Variants in REV1 observed in about 807,000 individuals in gnomAD.
The protein encoded by REV1 is translesion synthesis protein REV1.
Under a neutral mutation model 137.4 loss-of-function variants are expected in REV1, and 42 were observed. The ratio of observed to expected loss-of-function variants is 0.31; its 90% confidence interval spans 0.24 to 0.40. The LOEUF is 0.40. Among genes scored for constraint, REV1 ranks in the 10% least tolerant of loss-of-function variants. The probability of loss-of-function intolerance (pLI) is 1.00; values close to 1 mark genes in which losing one functional copy is unlikely to be tolerated. For missense variants in REV1, 1,282 were observed against 1,490.1 expected, an observed-to-expected ratio of 0.86 and a Z score of 2.30; for synonymous variants, 524 against 519.2, an observed-to-expected ratio of 1.01 and a Z score of -0.12.
intron 11 of REV1, among the ~76,000 whole-genome samples, chr2:99,421,147 A>G (rs1165765049): frequency 6.6e-6 from 1 of 152,172 alleles, no homozygotes; most frequent in Admixed American, 6.5e-5. Flanking sequence ...TGAAGTGCAG[A>G]GAGTAACAAG....
At chr2:99,468,635 AAC>A (rs1293298565) in intron 1 of REV1, among the ~76,000 whole-genome samples, 2 of 152,236 alleles carry the variant, frequency 1.3e-5, no homozygotes, top group Non-Finnish European at 2.9e-5. Flanking sequence ...GGAATGTGAT[AAC>A]AGTTTCTGAA....
chr2:99,411,408 TTCC>T (rs1176101706), intron 13 of REV1, among the ~76,000 whole-genome samples: 3 of 144,288 alleles, frequency 2.1e-5, no homozygotes, highest in African/African-American at 8.2e-5. Context: ...TTTCCTTTCT[TTCC>T]TTTTTTTTTT....
At chr2:99,468,419 CCT>C (rs1018665576) in intron 1 of REV1, among the ~76,000 whole-genome samples, 4 of 152,104 alleles carry the variant, frequency 2.6e-5, no homozygotes, top group African/African-American at 9.7e-5. Flanking sequence ...TAACACACTC[CCT>C]CTGTTTTTAT....
intron 1 of REV1, among the ~76,000 whole-genome samples, chr2:99,481,660 T>G (rs1686623263): frequency 6.6e-6 from 1 of 151,452 alleles, no homozygotes; most frequent in Admixed American, 6.6e-5. Flanking sequence ...GCCAGGAGTC[T>G]GAAACCAGCC....
In REV1 at chr2:99,408,140, G is replaced by A. The variant is rs1444997429; in HGVS notation, c.2346-9C>T. The A allele has an allele frequency of 6.4e-7, 1 of 1,555,874 alleles. No individual in the cohort carries two copies. Among genetic ancestry groups the A allele is most frequent in the Non-Finnish European group, 8.8e-7 (1 of 1,136,120 alleles). ...GGTCAAGAGTTACAGTCCTGTAAGT[G>A]ATAGAATTAAAAAACAAAAGCTTCA... On this transcript the variant is annotated splice_polypyrimidine_tract_variant and intron_variant, in intron 14 of 22. Coordinates refer to ENST00000258428, the MANE Select transcript of REV1 (RefSeq NM_016316.4).
At chr2:99,478,573 A>G (rs941166539) in intron 1 of REV1, among the ~76,000 whole-genome samples, 31 of 152,356 alleles carry the variant, frequency 2.0e-4, no homozygotes, top group African/African-American at 7.5e-4. Flanking sequence ...TATCTGTAGA[A>G]AAGTTCAAGG....
At position 99,481,525 on chromosome 2, in the gene REV1, T is replaced by C. The variant is rs555397017; in HGVS notation, c.-11+8292A>G. Reference sequence around the variant, plus strand: ...TACTACTAGTTTTAGCTGTCATAAATTGAGCAAGTGTCTGTTCTCACTTCT... The same window carrying C: ...TACTACTAGTTTTAGCTGTCATAAACTGAGCAAGTGTCTGTTCTCACTTCT... On this transcript the variant is annotated intron_variant, in intron 1 of 22. Transcript: ENST00000258428. Among the ~76,000 whole-genome samples the C allele has an allele frequency of 1.5e-4, 23 of 152,344 alleles. 1 individual carries two copies. The South Asian group carries it at 4.6e-3, about 30-fold the overall frequency.
chr2:99,489,793 G>A (rs1211135252), intron 1 of REV1, 24 bp downstream of exon 1: 2 of 138,004 alleles, frequency 1.4e-5, no homozygotes, highest in Non-Finnish European at 3.1e-5. Context: ...CCCCCACCCC[G>A]CCGCCGGCCC....
At chr2:99,401,416 CT>C in intron 22 of REV1, 64 bp from the exon 23 acceptor site, 1 of 994,864 alleles carries the variant, frequency 1.0e-6, no homozygotes, top group Non-Finnish European at 1.5e-6. Context: ...CTAATTATTC[CT>C]TTTTATATAT....
At chr2:99,436,075 G>A (rs1043652749) in intron 6 of REV1, 134 bp from the exon 7 acceptor site, 1 of 630,654 alleles carries the variant, frequency 1.6e-6, no homozygotes, top group South Asian at 1.9e-5. Context: ...AACCAGAATT[G>A]AGTACAGATT....
chr2:99,415,026 C>T (rs1677660486), intron 12 of REV1, among the ~76,000 whole-genome samples: 1 of 152,174 alleles, frequency 6.6e-6, no homozygotes, highest in Non-Finnish European at 1.5e-5. Flanking sequence ...CAGTTCTTCT[C>T]CATGCAGGCT....
In REV1 at chr2:99,401,095, C is replaced by A. The variant is rs1675326474; in HGVS notation, c.*146G>T. 4.0e-6 allele frequency: 2 copies of A among 497,118 alleles called. No individual in the cohort carries two copies. Among genetic ancestry groups the A allele is most frequent in the South Asian group, 7.3e-5 (2 of 27,536 alleles). The allele number at this position is 497,118 out of a possible 1,614,324, so 30.8% of individuals were successfully genotyped here. A position where few individuals can be genotyped will look rare whatever the true frequency, so the allele number is the denominator to read the frequency against. The stretch of plus-strand genomic sequence containing the variant: ...ACATGCAATACTGACAAATTTGGCA[C>A]TTTTTGAAAAGAAATGTACAAAACA... On this transcript the variant is annotated 3_prime_UTR_variant, in exon 23 of 23. Coordinates refer to ENST00000258428, the MANE Select transcript of REV1 (RefSeq NM_016316.4).
At chr2:99,455,654 GAGAGATATT>G (rs1559378954) in intron 3 of REV1, among the ~76,000 whole-genome samples, 1 of 152,226 alleles carries the variant, frequency 6.6e-6, no homozygotes, top group South Asian at 2.1e-4. Flanking sequence ...GAAATGGAAG[GAGAGATATT>G]ATATATCCAT....
At chr2:99,486,306 G>A (rs554213348) in intron 1 of REV1, among the ~76,000 whole-genome samples, 34 of 152,192 alleles carry the variant, frequency 2.2e-4, no homozygotes, top group African/African-American at 7.7e-4. Context: ...GAGGCGGGCG[G>A]ATCACGAGGT....
At chr2:99,489,412 G>A (rs1687446633) in intron 1 of REV1, among the ~76,000 whole-genome samples, 1 of 151,922 alleles carries the variant, frequency 6.6e-6, no homozygotes, top group South Asian at 2.1e-4. Flanking sequence ...CTGAATGGCC[G>A]GCCGAGGCGC....
chr2:99,434,092 C>T (rs2104762881), intron 8 of REV1, among the ~76,000 whole-genome samples: 1 of 152,190 alleles, frequency 6.6e-6, no homozygotes, highest in East Asian at 1.9e-4. Context: ...GATTTTTATC[C>T]CCAATCTAAA....
At chr2:99,449,283 A>C in intron 4 of REV1, 53 bp downstream of exon 4, 1 of 1,118,928 alleles carries the variant, frequency 8.9e-7, no homozygotes, top group Non-Finnish European at 1.2e-6. Flanking sequence ...AAATAAATAA[A>C]AAGTATTCTA....
chr2:99,404,757 A>T lies in REV1; in HGVS notation c.2812-80T>A. ...GTTTGGGAGTTAACACGCCACTTTA[A>T]ATTTCAATTTGAATACTGTGGATAA... On this transcript the variant is annotated intron_variant, in intron 17 of 22. Transcript: ENST00000258428. The T allele has an allele frequency of 3.2e-6, 3 of 936,680 alleles. No homozygotes were observed. The South Asian group carries it at 4.3e-5, about 13-fold the overall frequency. The allele number at this position is 936,680 out of a possible 1,614,324, so 58.0% of individuals were successfully genotyped here. A position where few individuals can be genotyped will look rare whatever the true frequency, so the allele number is the denominator to read the frequency against.
intron 1 of REV1, among the ~76,000 whole-genome samples, chr2:99,468,496 G>A (rs952018721): frequency 6.6e-6 from 1 of 152,186 alleles, no homozygotes; most frequent in African/African-American, 2.4e-5. Flanking sequence ...ACTAAGAAGT[G>A]ACTGCCCTGT....
Sources: allele counts gnomAD v4.1 joint callset (sites outside exome capture counted in the v4.1 genomes callset), GRCh38; gene constraint gnomAD v4.1.1; transcripts MANE v1.5; gene names NCBI Gene and HGNC (gene_info 2026-07-23, HGNC 2026-07-21).